The following PGM3 variants were observed in gnomAD, a reference collection of about 807,000 sequenced individuals.
PGM3 encodes phosphoacetylglucosamine mutase.
Under a neutral mutation model 66.2 loss-of-function variants are expected in PGM3, and 40 were observed. That is an observed-to-expected ratio of 0.60 (90% CI 0.47 to 0.79). PGM3 has a LOEUF of 0.79. Among genes scored for constraint, PGM3 ranks in the 30% least tolerant of loss-of-function variants. The pLI is 0.00. For missense variants in PGM3, 537 were observed against 643.4 expected, an observed-to-expected ratio of 0.83 and a Z score of 1.79; for synonymous variants, 191 against 224.2, an observed-to-expected ratio of 0.85 and a Z score of 1.32.
chr6:83,169,284 C>T lies in PGM3; in HGVS notation c.1579G>A (p.Val527Ile). 6.2e-7 allele frequency: 1 copy of T among 1,613,934 alleles called. No homozygotes were observed. Among genetic ancestry groups the T allele is most frequent in the Non-Finnish European group, 8.5e-7 (1 of 1,179,818 alleles). Reference sequence around the variant, plus strand: ...CCAATTCCTCCAGCCAGCTGAAATACTGCCAAGCTCACTTCATGTGCAAGG... The same window carrying T: ...CCAATTCCTCCAGCCAGCTGAAATATTGCCAAGCTCACTTCATGTGCAAGG... Reference protein sequence around the residue: ...DHLAHEVSLAVFQLAGGIGER... With the variant: ...DHLAHEVSLAIFQLAGGIGER... The change falls in exon 13 of 13, where the codon GTA (valine) becomes ATA (isoleucine). Residue 527 changes from valine to isoleucine, a missense_variant. Coordinates refer to ENST00000513973, the MANE Select transcript of PGM3 (RefSeq NM_015599.3).
chr6:83,165,652 G>C lies in PGM3; in HGVS notation c.*3582C>G, dbSNP rs768212795. The stretch of plus-strand genomic sequence containing the variant: ...TGCTAGTTGTGGAAGCAATTTCCCT[G>C]CAAAACGTTGCTGAGATGCCTAAAG... On this transcript the variant is annotated 3_prime_UTR_variant, in exon 13 of 13. Coordinates refer to ENST00000513973, the MANE Select transcript of PGM3 (RefSeq NM_015599.3). 3 of 202,156 alleles carry C rather than the reference G, an allele frequency of 1.5e-5. No homozygotes were observed. The highest frequency in any genetic ancestry group is 3.2e-5 in the Non-Finnish European group (3 of 94,592). 12.5% of individuals were successfully genotyped at this position (202,156 alleles called of 1,614,324 possible). A position where few individuals can be genotyped will look rare whatever the true frequency, so the allele number is the denominator to read the frequency against.
Position 83,166,850 on chromosome 6 carries a change from C to T in PGM3, c.*2384G>A. 1 of 1,000,014 alleles carries T rather than the reference C, an allele frequency of 1.0e-6. No individual in the cohort carries two copies. Among genetic ancestry groups the T allele is most frequent in the Non-Finnish European group, 1.2e-6 (1 of 840,176 alleles). 61.9% of individuals were successfully genotyped at this position (1,000,014 alleles called of 1,614,324 possible). ...CTGAGCAACATCTGATCTTAGAAGG[C>T]AAACTCCATTTGTTAATATGACAGA... On this transcript the variant is annotated 3_prime_UTR_variant, in exon 13 of 13. Coordinates refer to ENST00000513973, the MANE Select transcript of PGM3 (RefSeq NM_015599.3).
the PGM3 span, among the ~76,000 whole-genome samples, chr6:83,153,057 T>C: frequency 6.6e-6 from 1 of 152,348 alleles, no homozygotes; most frequent in South Asian, 2.1e-4. Context: ...TTTGCAGATG[T>C]GGATAGTGAC....
chr6:83,165,703 C>T lies in PGM3; in HGVS notation c.*3531G>A. On this transcript the variant is annotated 3_prime_UTR_variant, in exon 13 of 13. Transcript: ENST00000513973. ...AAGTGGTAGTTTGTTGGCAAGAGGT[C>T]AGGTGAATATGGCAGATGAGGCAAA... The T allele has an allele frequency of 4.5e-6, 1 of 220,114 alleles. No homozygotes were observed. The highest frequency in any genetic ancestry group is 6.6e-5 in the South Asian group (1 of 15,192). 13.6% of individuals were successfully genotyped at this position (220,114 alleles called of 1,614,324 possible). A position where few individuals can be genotyped will look rare whatever the true frequency, so the allele number is the denominator to read the frequency against.
intron 6 of PGM3, among the ~76,000 whole-genome samples, chr6:83,181,484 T>C (rs1391666090): frequency 6.6e-6 from 1 of 152,198 alleles, no homozygotes; most frequent in Non-Finnish European, 1.5e-5. Flanking sequence ...ACCACTGCTC[T>C]AGAATGCCAT....
At position 83,169,148 on chromosome 6, in the gene PGM3, A is replaced by G; in HGVS notation, c.*86T>C. 1.3e-6 allele frequency: 2 copies of G among 1,562,106 alleles called. No individual in the cohort carries two copies. The highest frequency in any genetic ancestry group is 1.7e-6 in the Non-Finnish European group (2 of 1,152,908). ...AGGCTGCATTGTAAACATTATGATTATAAATCTCTTAGTACTGCCATTATT... is the reference window on the plus strand; with the variant it reads ...AGGCTGCATTGTAAACATTATGATTGTAAATCTCTTAGTACTGCCATTATT... On this transcript the variant is annotated 3_prime_UTR_variant, in exon 13 of 13. Coordinates refer to ENST00000513973, the MANE Select transcript of PGM3 (RefSeq NM_015599.3).
chr6:83,148,779 T>C, the PGM3 span: 3 of 1,555,382 alleles, frequency 1.9e-6, no homozygotes, highest in South Asian at 1.3e-5. Context: ...CCCAATTTAG[T>C]GGATAGCTGG....
chr6:83,180,701 TC>T (rs1437686992), intron 6 of PGM3, among the ~76,000 whole-genome samples: 2 of 152,182 alleles, frequency 1.3e-5, no homozygotes, highest in African/African-American at 4.8e-5. Flanking sequence ...GAGTAAGAGC[TC>T]AGTATTTAAG....
At chr6:83,150,746 A>G in the PGM3 span, among the ~76,000 whole-genome samples, 1 of 152,200 alleles carries the variant, frequency 6.6e-6, no homozygotes, top group Non-Finnish European at 1.5e-5. Context: ...TTCATGAACT[A>G]TTTTTAATGT....
intron 6 of PGM3, 55 bp from the exon 7 acceptor site, chr6:83,180,022 G>C: frequency 1.5e-6 from 2 of 1,361,654 alleles, no homozygotes. Flanking sequence ...ATTATAAAGA[G>C]TTTTAGAATT....
the PGM3 span, chr6:83,152,112 C>A: frequency 6.7e-7 from 1 of 1,486,348 alleles, no homozygotes; most frequent in Non-Finnish European, 9.2e-7. Context: ...CTATAAGTAC[C>A]ACAAATTTAT....
At chr6:83,186,859 A>T in intron 4 of PGM3, 149 bp downstream of exon 4, 3 of 481,986 alleles carry the variant, frequency 6.2e-6, no homozygotes, top group Non-Finnish European at 1.1e-5. Flanking sequence ...GATGATTTTT[A>T]AAGTTAGTAT....
Position 83,168,460 on chromosome 6 carries a change from A to AT in PGM3, c.*773dup, listed in dbSNP as rs916360339. 3.8e-3 allele frequency: 3,502 copies of AT among 924,374 alleles called. No individual in the cohort carries two copies. Among genetic ancestry groups the AT allele is most frequent in the East Asian group, 9.3e-3 (120 of 12,896 alleles). 57.3% of individuals were successfully genotyped at this position (924,374 alleles called of 1,614,324 possible). A position where few individuals can be genotyped will look rare whatever the true frequency, so the allele number is the denominator to read the frequency against. On this transcript the variant is annotated 3_prime_UTR_variant, in exon 13 of 13. Transcript: ENST00000513973. Reference sequence around the variant, plus strand: ...TAAACCTGCAAAATATACACTACCCATTTTTTTTTTCCATTGGTTTCAGAC... The same window carrying AT: ...TAAACCTGCAAAATATACACTACCCATTTTTTTTTTTCCATTGGTTTCAGAC...
intron 2 of PGM3, among the ~76,000 whole-genome samples, chr6:83,189,264 G>C (rs532752365): frequency 6.6e-6 from 1 of 152,146 alleles, no homozygotes; most frequent in Non-Finnish European, 1.5e-5. Context: ...CTATGACTCG[G>C]AACTCCAAGA....
intron 10 of PGM3, 38 bp from the exon 11 acceptor site, chr6:83,172,097 ACAAG>A: frequency 1.2e-6 from 2 of 1,609,020 alleles, no homozygotes; most frequent in Non-Finnish European, 1.7e-6. Flanking sequence ...ACCACTTAAC[ACAAG>A]CAAATCTTGG....
At position 83,178,751 on chromosome 6, in the gene PGM3, T is replaced by A. The variant is rs1350676458; in HGVS notation, c.951A>T (p.Gly317=). Residue 317 remains glycine, a synonymous_variant, in exon 8 of 13, where the codon GGA becomes GGT. Coordinates refer to ENST00000513973, the MANE Select transcript of PGM3 (RefSeq NM_015599.3). ...GTACAACACCAATATTCAAACTTTCTCCAATCTAGACAAAAACAATGATAC... is the reference window on the plus strand; with the variant it reads ...GTACAACACCAATATTCAAACTTTCACCAATCTAGACAAAAACAATGATAC... ...SFLKELLVEI[G]ESLNIGVVQT... is the part of the protein sequence containing the mutation. 6.4e-7 allele frequency: 1 copy of A among 1,555,026 alleles called. No individual in the cohort carries two copies. Among genetic ancestry groups the A allele is most frequent in the African/African-American group, 1.4e-5 (1 of 73,814 alleles).
In PGM3 at chr6:83,167,913, C is replaced by T; in HGVS notation, c.*1321G>A. ...GAGAACATTGGGTTGGGAGCCAGGG[C>T]ACTTGCTGCTCACCATCTGCACCGT... On this transcript the variant is annotated 3_prime_UTR_variant, in exon 13 of 13. Transcript: ENST00000513973. The T allele has an allele frequency of 6.2e-7, 1 of 1,613,748 alleles. No individual in the cohort carries two copies.
chr6:83,193,701 G>A (rs371112784), upstream of PGM3: 1 of 152,632 alleles, frequency 6.6e-6, no homozygotes, highest in East Asian at 1.9e-4. Context: ...CTCCGACGTC[G>A]AGGTCATCTC....
chr6:83,157,301 A>G (rs751587459), downstream of PGM3: 17 of 1,613,426 alleles, frequency 1.1e-5, no homozygotes, highest in Non-Finnish European at 1.4e-5. Flanking sequence ...ACTCTGGCCT[A>G]CCATGATTAC....
Sources: gnomAD v4.1 joint callset for allele counts (sites outside exome capture counted in the v4.1 genomes callset) on GRCh38, gnomAD v4.1.1 for gene constraint, MANE v1.5 for transcripts, NCBI Gene and HGNC (gene_info 2026-07-23, HGNC 2026-07-21) for gene names.